TAF1B: variants seen among roughly 807,000 people sequenced by gnomAD.
TAF1B encodes the protein TATA-box binding protein associated factor, RNA polymerase I subunit B.
A neutral mutation model predicts 83.9 loss-of-function variants in TAF1B; 61 were observed. That is an observed-to-expected ratio of 0.73 (90% CI 0.59 to 0.90). The LOEUF (loss-of-function observed/expected upper bound fraction) is 0.90, where lower values mean the gene tolerates loss of function less well. TAF1B is among the 40% of genes least tolerant of loss of function. The probability of loss-of-function intolerance (pLI) is 0.00; values close to 1 mark genes in which losing one functional copy is unlikely to be tolerated. For synonymous variants in TAF1B, 221 were observed against 224.6 expected (o/e 0.98, Z 0.14); for missense variants, 625 against 677.0 (o/e 0.92, Z 0.85).
At chr2:9,928,930 C>G (rs1168093573) in intron 14 of TAF1B, among the ~76,000 whole-genome samples, 2 of 152,190 alleles carry the variant, frequency 1.3e-5, no homozygotes, top group Non-Finnish European at 2.9e-5. Context: ...GCATCCCTGT[C>G]TTGTGCCAGT....
At chr2:9,888,932 T>G (rs1438039823) in intron 8 of TAF1B, among the ~76,000 whole-genome samples, 1 of 150,590 alleles carries the variant, frequency 6.6e-6, no homozygotes, top group Non-Finnish European at 1.5e-5. Flanking sequence ...GTCTCCTGAG[T>G]ATCTGGGATT....
intron 9 of TAF1B, among the ~76,000 whole-genome samples, chr2:9,908,833 C>A (rs1209583683): frequency 6.6e-6 from 1 of 152,210 alleles, no homozygotes; most frequent in East Asian, 1.9e-4. Context: ...GTTTGCATTT[C>A]CTGAAAGCAC....
At chr2:9,926,138 C>G (rs10803709) in intron 14 of TAF1B, among the ~76,000 whole-genome samples, 77,684 of 151,938 alleles carry the variant, frequency 0.51, 22,919 homozygotes, top group Non-Finnish European at 0.68. Context: ...CTCTGCCCCC[C>G]ATTATTTGGA....
Position 9,883,889 on chromosome 2 carries a change from G to T in TAF1B, c.807+1084G>T, listed in dbSNP as rs557414764. 3.9e-5 allele frequency among the ~76,000 whole-genome samples: 6 copies of T among 152,332 alleles called. 1 individual carries two copies. The South Asian group carries it at 1.0e-3, about 26-fold the overall frequency. ...ATAGGAAGGATGTCATATTGTTGCG[G>T]GATCTTTGGGGTGCCGTTTTTCTGG... On this transcript the variant is annotated intron_variant, in intron 8 of 14. Transcript: ENST00000263663.
intron 8 of TAF1B, among the ~76,000 whole-genome samples, chr2:9,890,487 A>T (rs452480): frequency 0.72 from 108,530 of 151,618 alleles, 38,965 homozygotes; most frequent in Middle Eastern, 0.77. Context: ...GGATTTTTTT[A>T]AAAAAAAATT....
rs567011150 is a variant in TAF1B, at chr2:9,858,451, A to G, written c.399+4030A>G. ...CATGGTGCAAGATGTCAGTGGCTCT[A>G]CCATTCTGGGATCTGCAAGACGATG... On this transcript the variant is annotated intron_variant, in intron 5 of 14. Coordinates refer to ENST00000263663, the MANE Select transcript of TAF1B (RefSeq NM_005680.3). 3.3e-5 allele frequency among the ~76,000 whole-genome samples: 5 copies of G among 152,304 alleles called. No homozygotes were observed. The East Asian group carries it at 5.8e-4, about 18-fold the overall frequency.
At chr2:9,862,549 A>G (rs1000024318) in intron 5 of TAF1B, among the ~76,000 whole-genome samples, 15 of 152,366 alleles carry the variant, frequency 9.8e-5, no homozygotes, top group African/African-American at 3.1e-4. Flanking sequence ...AACTTCCCCA[A>G]TCTAGCAAGG....
At chr2:9,843,589 G>T (rs1347074409) in intron 1 of TAF1B, 30 bp downstream of exon 1, 1 of 1,484,302 alleles carries the variant, frequency 6.7e-7, no homozygotes, top group Non-Finnish European at 9.0e-7. Flanking sequence ...GGCGGGCCAC[G>T]ATCGCCGGGG....
intron 9 of TAF1B, 91 bp downstream of exon 9, chr2:9,905,097 A>G (rs1665302639): frequency 2.6e-6 from 3 of 1,157,328 alleles, no homozygotes; most frequent in Non-Finnish European, 3.7e-6. Flanking sequence ...AGACTATTAG[A>G]ACCACCTGAA....
At chr2:9,890,688 T>C (rs1664843095) in intron 8 of TAF1B, among the ~76,000 whole-genome samples, 2 of 152,346 alleles carry the variant, frequency 1.3e-5, no homozygotes, top group African/African-American at 4.8e-5. Context: ...ATGTTTACCA[T>C]GTGAAATGAT....
intron 1 of TAF1B, chr2:9,844,272 T>G (rs1214928242): frequency 1.3e-5 from 2 of 151,824 alleles, no homozygotes; most frequent in Non-Finnish European, 2.9e-5. Context: ...GCCTCAGCCT[T>G]CCAATGAGCT....
chr2:9,929,394 G>A (rs755201134), intron 14 of TAF1B, among the ~76,000 whole-genome samples: 1 of 152,090 alleles, frequency 6.6e-6, no homozygotes, highest in African/African-American at 2.4e-5. Flanking sequence ...TCCTGACCTC[G>A]TGATCCACCC....
chr2:9,843,460 G>A, upstream of TAF1B: 2 of 1,299,220 alleles, frequency 1.5e-6, no homozygotes, highest in Admixed American at 3.2e-5. Context: ...TTTCCGGCCG[G>A]AAGCTTCTCC....
At chr2:9,909,436 GA>G (rs767649748) in intron 9 of TAF1B, among the ~76,000 whole-genome samples, 30 of 152,246 alleles carry the variant, frequency 2.0e-4, no homozygotes, top group Non-Finnish European at 4.0e-4. Flanking sequence ...CTGAGATGAG[GA>G]ATGGGGGAAA....
chr2:9,865,306 A>C (rs1663933719), intron 5 of TAF1B, among the ~76,000 whole-genome samples: 1 of 152,198 alleles, frequency 6.6e-6, no homozygotes, highest in Non-Finnish European at 1.5e-5. Context: ...ACAGACAAAC[A>C]GAGAGCCAAA....
Position 9,911,514 on chromosome 2 carries a change from T to G in TAF1B, c.1137T>G (p.Ser379=). 1 of 1,514,730 alleles carries G rather than the reference T, an allele frequency of 6.6e-7. No individual in the cohort carries two copies. Among genetic ancestry groups the G allele is most frequent in the Non-Finnish European group, 8.9e-7 (1 of 1,125,112 alleles). The allele number at this position is 1,514,730 out of a possible 1,614,324, so 93.8% of individuals were successfully genotyped here. Residue 379 remains serine (S), a synonymous_variant, in exon 11 of 15, where the codon TCT becomes TCG. Coordinates refer to ENST00000263663, the MANE Select transcript of TAF1B (RefSeq NM_005680.3). ...LFLLDDSFEW[S]LSNLAEKHNE... ...ATTTGTTTATTGTTATCTCCAGGTC[T>G]TTGTCTAATCTTGCTGAAAAGCATA... is the stretch of plus-strand genomic sequence containing the variant.
intron 14 of TAF1B, among the ~76,000 whole-genome samples, chr2:9,921,603 A>G (rs1240095682): frequency 6.6e-6 from 1 of 152,216 alleles, no homozygotes; most frequent in African/African-American, 2.4e-5. Context: ...ACTTGAAGAG[A>G]AGATTTTTTT....
intron 2 of TAF1B, 133 bp downstream of exon 2, chr2:9,845,451 T>C: frequency 1.5e-6 from 1 of 663,668 alleles, no homozygotes; most frequent in Non-Finnish European, 2.7e-6. Context: ...CAAGGATGCA[T>C]GTGGTCTTAG....
In TAF1B at chr2:9,870,682, C is replaced by T. The variant is rs988462670; in HGVS notation, c.553+2253C>T. ...CATTCCTCACTGTCCCTTATCTGCA[C>T]ATAGTCCCCAGTACATGCATGTGCA... On this transcript the variant is annotated intron_variant, in intron 6 of 14. Coordinates refer to ENST00000263663, the MANE Select transcript of TAF1B (RefSeq NM_005680.3). Among the ~76,000 whole-genome samples, 8 of 152,184 alleles carry T rather than the reference C, an allele frequency of 5.3e-5. 1 individual carries two copies. The highest frequency in any genetic ancestry group is 1.0e-4 in the Non-Finnish European group (7 of 68,038).
Sources: allele counts gnomAD v4.1 joint callset (sites outside exome capture counted in the v4.1 genomes callset), GRCh38; gene constraint gnomAD v4.1.1; transcripts MANE v1.5; gene names NCBI Gene and HGNC (gene_info 2026-07-23, HGNC 2026-07-21).